Variants in CSRP2 observed in about 807,000 individuals in gnomAD.
CSRP2 encodes cysteine and glycine rich protein 2, also known as cysteine and glycine-rich protein 2.
A neutral mutation model predicts 24.6 loss-of-function variants in CSRP2; 18 were observed. That is an observed-to-expected ratio of 0.73 (90% CI 0.51 to 1.09). The LOEUF is 1.09. Ranked by LOEUF, CSRP2 falls within the 50% of genes least tolerant of loss-of-function variation. CSRP2 has a pLI of 0.00. For missense variants in CSRP2, 215 were observed against 239.4 expected (o/e 0.90, Z 0.67); for synonymous variants, 87 against 84.3 (o/e 1.03, Z -0.18).
In CSRP2 at chr12:76,878,959, G is replaced by T; in HGVS notation, c.-23C>A. 1 of 152,430 alleles carries T rather than the reference G, an allele frequency of 6.6e-6. No homozygotes were observed. Among genetic ancestry groups the T allele is most frequent in the Non-Finnish European group, 1.5e-5 (1 of 68,128 alleles). The allele number at this position is 152,430 out of a possible 1,614,324, so 9.4% of individuals were successfully genotyped here. On this transcript the variant is annotated 5_prime_UTR_variant, in exon 1 of 6. Coordinates refer to ENST00000311083, the MANE Select transcript of CSRP2 (RefSeq NM_001321.3). ...TCACTTGAGTCGGAGGCGGGAGCACGTACCGCAGGCGGAGCTAGCGAGGCT... is the reference window on the plus strand; with the variant it reads ...TCACTTGAGTCGGAGGCGGGAGCACTTACCGCAGGCGGAGCTAGCGAGGCT...
chr12:76,870,422 T>G lies in CSRP2; in HGVS notation c.-1-4161A>C, dbSNP rs530681959. Among the ~76,000 whole-genome samples, 7 of 152,366 alleles carry G rather than the reference T, an allele frequency of 4.6e-5. No homozygotes were observed. In the South Asian group the frequency reaches 1.4e-3, roughly 32 times the overall value. Reference sequence around the variant, plus strand: ...TTAAACTTACTTATTCTAAGTTAACTGCACCAGCCAAACGTAAATGTGTCA... The same window carrying G: ...TTAAACTTACTTATTCTAAGTTAACGGCACCAGCCAAACGTAAATGTGTCA... On this transcript the variant is annotated intron_variant, in intron 1 of 5. Transcript: ENST00000311083.
chr12:76,871,193 AC>A (rs1953793129), intron 1 of CSRP2, among the ~76,000 whole-genome samples: 2 of 152,100 alleles, frequency 1.3e-5, no homozygotes, highest in South Asian at 4.1e-4. Context: ...AGCTCTCTCT[AC>A]CCACAGAAAT....
chr12:76,868,991 C>T (rs1349998515), intron 1 of CSRP2, among the ~76,000 whole-genome samples: 6 of 151,892 alleles, frequency 4.0e-5, no homozygotes, highest in Non-Finnish European at 5.9e-5. Flanking sequence ...TGACTCTACC[C>T]CTATCTTAGT....
intron 2 of CSRP2, 199 bp from the exon 3 acceptor site, chr12:76,863,543 A>G (rs888702141): frequency 3.9e-6 from 2 of 506,752 alleles, no homozygotes; most frequent in Admixed American, 3.5e-5. Context: ...ACATTCCTCC[A>G]TGGATATGAC....
At chr12:76,865,934 G>C in intron 2 of CSRP2, 1 of 567,236 alleles carries the variant, frequency 1.8e-6, no homozygotes, top group Admixed American at 3.2e-5. Context: ...GAGGCCAAAA[G>C]CTATGGGGAC....
chr12:76,861,432 CACTG>C lies in CSRP2; in HGVS notation c.282-1023_282-1020del, dbSNP rs1270480629. 3 of 150,512 alleles carry C rather than the reference CACTG, an allele frequency of 2.0e-5. No individual in the cohort carries two copies. In the East Asian group the frequency reaches 5.8e-4, roughly 29 times the overall value. The allele number at this position is 150,512 out of a possible 1,614,324, so 9.3% of individuals were successfully genotyped here. ...TGTGCTTTAAAACTATGGCCATAGTCACTGACTTACTTTTGGGGTCATGGATAAA... is the reference window on the plus strand; with the variant it reads ...TGTGCTTTAAAACTATGGCCATAGTCACTTACTTTTGGGGTCATGGATAAA... On this transcript the variant is annotated intron_variant, in intron 3 of 5. Transcript: ENST00000311083.
rs1953700040 is a variant in CSRP2 at position 76,863,108 on chromosome 12, C to T, written c.281+68G>A. The T allele has an allele frequency of 2.3e-5, 35 of 1,530,790 alleles. No individual in the cohort carries two copies. The South Asian group carries it at 4.4e-4, about 19-fold the overall frequency. The allele number at this position is 1,530,790 out of a possible 1,614,324, so 94.8% of individuals were successfully genotyped here. ...CTAAAAATCTGGAGACTGCCAGGTT[C>T]CTGTTCAGCAAGCGGCACTAACTGT... On this transcript the variant is annotated intron_variant, in intron 3 of 5. Coordinates refer to ENST00000311083, the MANE Select transcript of CSRP2 (RefSeq NM_001321.3).
At chr12:76,870,736 T>C (rs1953788060) in intron 1 of CSRP2, among the ~76,000 whole-genome samples, 2 of 151,794 alleles carry the variant, frequency 1.3e-5, no homozygotes. Flanking sequence ...CCAGGTGTGG[T>C]AGCTCATGCC....
intron 1 of CSRP2, among the ~76,000 whole-genome samples, chr12:76,869,994 C>T (rs976823478): frequency 1.3e-5 from 2 of 152,184 alleles, no homozygotes; most frequent in Non-Finnish European, 2.9e-5. Flanking sequence ...TGGAAGTTCC[C>T]TCATGATTCC....
intron 1 of CSRP2, among the ~76,000 whole-genome samples, chr12:76,869,577 C>CAG (rs1329514395): frequency 1.4e-5 from 2 of 147,760 alleles, no homozygotes; most frequent in African/African-American, 5.0e-5. Context: ...CACACACACA[C>CAG]ACCCCTGACT....
chr12:76,868,149 A>G (rs1953753678), intron 1 of CSRP2, among the ~76,000 whole-genome samples: 2 of 152,222 alleles, frequency 1.3e-5, no homozygotes. Context: ...ATTTGAGACA[A>G]ACTTCAGGTA....
chr12:76,869,992 C>T (rs1344461388), intron 1 of CSRP2, among the ~76,000 whole-genome samples: 1 of 152,212 alleles, frequency 6.6e-6, no homozygotes, highest in Non-Finnish European at 1.5e-5. Flanking sequence ...GCTGGAAGTT[C>T]CCTCATGATT....
intron 2 of CSRP2, chr12:76,864,629 A>T (rs1226742319): frequency 9.6e-6 from 1 of 103,730 alleles, no homozygotes; most frequent in Non-Finnish European, 2.1e-5. Flanking sequence ...AATTAAAAGT[A>T]AGAAAAATAA....
intron 1 of CSRP2, among the ~76,000 whole-genome samples, chr12:76,877,322 C>CA (rs1397931009): frequency 2.0e-5 from 3 of 152,216 alleles, no homozygotes; most frequent in Admixed American, 6.5e-5. Context: ...GACAGGCCTC[C>CA]AGCAAGTACT....
intron 1 of CSRP2, among the ~76,000 whole-genome samples, chr12:76,877,952 T>A (rs1234076250): frequency 2.7e-5 from 4 of 146,736 alleles, no homozygotes; most frequent in African/African-American, 1.0e-4. Flanking sequence ...AATTACTAAC[T>A]GCCCCCGCCC....
intron 1 of CSRP2, among the ~76,000 whole-genome samples, chr12:76,866,833 A>G (rs188153509): frequency 0.011 from 1,677 of 152,308 alleles, 11 homozygotes; most frequent in Non-Finnish European, 0.017. Context: ...ATTGTAGCAT[A>G]AATAGCTGTG....
intron 1 of CSRP2, among the ~76,000 whole-genome samples, chr12:76,878,549 C>G (rs1277395485): frequency 6.6e-6 from 1 of 152,184 alleles, no homozygotes; most frequent in African/African-American, 2.4e-5. Context: ...GAGAGCCTGC[C>G]GCTGGACGAG....
chr12:76,863,171 C>A lies in CSRP2; in HGVS notation c.281+5G>T. 1 of 1,608,864 alleles carries A rather than the reference C, an allele frequency of 6.2e-7. No homozygotes were observed. The highest frequency in any genetic ancestry group is 8.5e-7 in the Non-Finnish European group (1 of 1,176,218). ...CTGAAGGTAACCAACGGTCTCCCAACTCACCTCTCTGGTTTGATGCCCAGC... is the reference window on the plus strand; with the variant it reads ...CTGAAGGTAACCAACGGTCTCCCAAATCACCTCTCTGGTTTGATGCCCAGC... On this transcript the variant is annotated splice_donor_5th_base_variant and intron_variant, in intron 3 of 5. Transcript: ENST00000311083.
intron 1 of CSRP2, among the ~76,000 whole-genome samples, chr12:76,876,300 C>G (rs1274005525): frequency 6.6e-6 from 1 of 152,160 alleles, no homozygotes; most frequent in Non-Finnish European, 1.5e-5. Flanking sequence ...CTTTCCAGAT[C>G]ATTCACCATG....
Sources: gnomAD v4.1 joint callset for allele counts (sites outside exome capture counted in the v4.1 genomes callset) on GRCh38, gnomAD v4.1.1 for gene constraint, MANE v1.5 for transcripts, NCBI Gene and HGNC (gene_info 2026-07-23, HGNC 2026-07-21) for gene names.